PLXNA2: variants seen among roughly 807,000 people sequenced by gnomAD.
PLXNA2 encodes plexin-A2.
In PLXNA2, 91 loss-of-function variants were observed where a neutral mutation model predicts 193.5. The observed-to-expected ratio is 0.47, with a 90% CI of 0.40 to 0.56. PLXNA2 has a LOEUF of 0.56. Ranked by LOEUF, PLXNA2 falls within the 20% of genes least tolerant of loss-of-function variation. The probability of loss-of-function intolerance (pLI) is 0.00; values close to 1 mark genes in which losing one functional copy is unlikely to be tolerated. For synonymous variants in PLXNA2, 997 were observed against 1,027.3 expected, an observed-to-expected ratio of 0.97 and a Z score of 0.56; for missense variants, 1,995 against 2,503.2, an observed-to-expected ratio of 0.80 and a Z score of 4.33.
chr1:208,112,827 A>C (rs1027634837), intron 4 of PLXNA2, among the ~76,000 whole-genome samples: 1 of 152,154 alleles, frequency 6.6e-6, no homozygotes, highest in African/African-American at 2.4e-5. Flanking sequence ...TCAGCGTGCT[A>C]AGGATAGAGG....
chr1:208,146,649 C>A (rs528111950), intron 3 of PLXNA2, among the ~76,000 whole-genome samples: 8 of 152,288 alleles, frequency 5.3e-5, no homozygotes, highest in African/African-American at 1.9e-4. Flanking sequence ...GTCAAGGAGT[C>A]CCAAAACAAG....
chr1:208,210,896 G>A (rs916353914), intron 2 of PLXNA2, among the ~76,000 whole-genome samples: 2 of 152,210 alleles, frequency 1.3e-5, no homozygotes, highest in African/African-American at 4.8e-5. Flanking sequence ...AGCCCAGAAA[G>A]GGTTTCTTGT....
Position 208,168,723 on chromosome 1 carries a change from GGTTTT to G in PLXNA2, c.1372-26265_1372-26261del, listed in dbSNP as rs1289555026. Among the ~76,000 whole-genome samples, 288 of 102,238 alleles carry G rather than the reference GGTTTT, an allele frequency of 2.8e-3. 21 individuals are homozygous for G. The highest frequency in any genetic ancestry group is 8.8e-3 in the East Asian group (22 of 2,486). The allele number at this position is 102,238 out of a possible 152,430, so 67.1% of individuals were successfully genotyped here. ...CAAAAAGAAGACAAAGAGTATGCGG[GGTTTT>G]TTTTTTTTTTTTTTTTTTTTTTTAG... On this transcript the variant is annotated intron_variant, in intron 3 of 31. Transcript: ENST00000367033.
At chr1:208,170,197 AT>A (rs570233873) in intron 3 of PLXNA2, among the ~76,000 whole-genome samples, 38 of 152,030 alleles carry the variant, frequency 2.5e-4, no homozygotes, top group Admixed American at 1.4e-3. Context: ...AACTTGGAGG[AT>A]TTTTTTTCTT....
chr1:208,156,263 C>T (rs918905203), intron 3 of PLXNA2, among the ~76,000 whole-genome samples: 32 of 152,122 alleles, frequency 2.1e-4, no homozygotes, highest in African/African-American at 6.5e-4. Context: ...GGGCATTCAT[C>T]GAAAGAAGTA....
chr1:208,162,575 A>G (rs1270059129), intron 3 of PLXNA2, among the ~76,000 whole-genome samples: 1 of 152,216 alleles, frequency 6.6e-6, no homozygotes, highest in African/African-American at 2.4e-5. Context: ...ACAAAGATGA[A>G]TCCTGCATGC....
At chr1:208,172,960 G>A (rs1266533300) in intron 3 of PLXNA2, among the ~76,000 whole-genome samples, 1 of 152,202 alleles carries the variant, frequency 6.6e-6, no homozygotes, top group East Asian at 1.9e-4. Context: ...ACAGCGAGGT[G>A]ACTGTGAGCA....
intron 13 of PLXNA2, among the ~76,000 whole-genome samples, chr1:208,058,041 GC>G (rs2102345171): frequency 6.6e-6 from 1 of 152,302 alleles, no homozygotes; most frequent in South Asian, 2.1e-4. Context: ...CTCCTGGAAT[GC>G]AACCCAGTAC....
chr1:208,027,213 C>A lies in PLXNA2; in HGVS notation c.*30G>T. On this transcript the variant is annotated 3_prime_UTR_variant, in exon 32 of 32. Transcript: ENST00000367033. ...CCCAGTGTGACAGCTTGGACAGGTC[C>A]CTCTTCCCAGGAATGCGAGGCTCCT... 1 of 1,575,440 alleles carries A rather than the reference C, an allele frequency of 6.3e-7. No individual in the cohort carries two copies. Among genetic ancestry groups the A allele is most frequent in the South Asian group, 1.1e-5 (1 of 90,222 alleles).
chr1:208,193,152 C>T (rs181385690), intron 3 of PLXNA2, among the ~76,000 whole-genome samples: 1 of 152,196 alleles, frequency 6.6e-6, no homozygotes. Flanking sequence ...TTGGCTGCTG[C>T]AGCACAGTGA....
intron 3 of PLXNA2, chr1:208,209,937 C>T (rs991285598): frequency 4.6e-6 from 1 of 219,714 alleles, no homozygotes; most frequent in Non-Finnish European, 8.6e-6. Flanking sequence ...ATTTATAATG[C>T]ACATAATCAA....
intron 1 of PLXNA2, among the ~76,000 whole-genome samples, chr1:208,220,408 G>T (rs907437341): frequency 5.9e-5 from 9 of 152,076 alleles, no homozygotes; most frequent in Non-Finnish European, 1.0e-4. Flanking sequence ...GGCACACAGT[G>T]AGCACTTAAC....
chr1:208,157,909 C>G (rs750647783), intron 3 of PLXNA2, among the ~76,000 whole-genome samples: 8 of 152,260 alleles, frequency 5.3e-5, no homozygotes, highest in Non-Finnish European at 1.2e-4. Context: ...AAAGCCCCAT[C>G]TTCAGGCCAC....
chr1:208,238,418 G>T (rs1671937889), intron 1 of PLXNA2, among the ~76,000 whole-genome samples: 1 of 152,070 alleles, frequency 6.6e-6, no homozygotes, highest in Admixed American at 6.6e-5. Context: ...CCCCTGCCCT[G>T]ACGTCCAGGT....
rs978702851 is a variant in PLXNA2 at position 208,082,199 on chromosome 1, C to T, written c.2395+213G>A. On this transcript the variant is annotated intron_variant, in intron 11 of 31. Coordinates refer to ENST00000367033, the MANE Select transcript of PLXNA2 (RefSeq NM_025179.4). This position sits in a 1 kb window ranked among gnomAD's most constrained non-coding sequence, Gnocchi z 4.2. ...AGAATAACGTGGATGGGCCGGCGGC[C>T]GCCCAGCGGATGCTCTGGTTGTAAT... Among the ~76,000 whole-genome samples, 3 of 152,286 alleles carry T rather than the reference C, an allele frequency of 2.0e-5. No homozygotes were observed. The highest frequency in any genetic ancestry group is 1.9e-4 in the East Asian group (1 of 5,182).
chr1:208,166,247 C>T (rs1422110242), intron 3 of PLXNA2, among the ~76,000 whole-genome samples: 1 of 152,198 alleles, frequency 6.6e-6, no homozygotes, highest in East Asian at 1.9e-4. Flanking sequence ...TACAACACAC[C>T]TTCTCTCCGA....
In PLXNA2 at chr1:208,150,033, T is replaced by A. The variant is rs138022861; in HGVS notation, c.1372-7570A>T. 1.6e-3 allele frequency among the ~76,000 whole-genome samples: 248 copies of A among 152,268 alleles called. 2 individuals are homozygous for A. Among genetic ancestry groups the A allele is most frequent in the Middle Eastern group, 0.014 (4 of 292 alleles). ...GCCTGGCCCTAAATGCTTGGCTAAT[T>A]GGACGGGGACGCAGGAGCCTGGAAA... On this transcript the variant is annotated intron_variant, in intron 3 of 31. Transcript: ENST00000367033.
At chr1:208,084,072 C>T (rs1460477638) in intron 10 of PLXNA2, among the ~76,000 whole-genome samples, 3 of 152,190 alleles carry the variant, frequency 2.0e-5, no homozygotes, top group African/African-American at 4.8e-5. Context: ...TAAATACATA[C>T]ACCTACTGTG....
intron 12 of PLXNA2, among the ~76,000 whole-genome samples, chr1:208,067,525 C>A (rs983161961): frequency 1.3e-5 from 2 of 152,298 alleles, no homozygotes; most frequent in South Asian, 4.1e-4. Flanking sequence ...GAGCAACTTC[C>A]AGTCCTGCAA....
Sources: allele counts gnomAD v4.1 joint callset (sites outside exome capture counted in the v4.1 genomes callset), GRCh38; gene constraint gnomAD v4.1.1; non-coding constraint Gnocchi (gnomAD v3.1); transcripts MANE v1.5; gene names NCBI Gene and HGNC (gene_info 2026-07-23, HGNC 2026-07-21).